ADAMTSL3: variants seen among roughly 807,000 people sequenced by gnomAD.
The protein encoded by ADAMTSL3 is ADAMTS-like protein 3.
ADAMTSL3 carries 128 observed loss-of-function variants against 201.7 expected under a neutral mutation model. The ratio of observed to expected loss-of-function variants is 0.63; its 90% CI spans 0.55 to 0.73. ADAMTSL3 has a LOEUF of 0.73. ADAMTSL3 is among the 30% of genes least tolerant of loss of function. ADAMTSL3 has a pLI of 0.00. For synonymous variants in ADAMTSL3, 738 were observed against 748.4 expected, an observed-to-expected ratio of 0.99 and a Z score of 0.23; for missense variants, 1,990 against 2,119.6, an observed-to-expected ratio of 0.94 and a Z score of 1.20.
intron 15 of ADAMTSL3, among the ~76,000 whole-genome samples, chr15:83,912,606 A>G (rs1315798328): frequency 6.6e-6 from 1 of 152,216 alleles, no homozygotes; most frequent in African/African-American, 2.4e-5. Flanking sequence ...TTAAGGCTTC[A>G]TCCACTCTGT....
intron 15 of ADAMTSL3, among the ~76,000 whole-genome samples, chr15:83,911,574 C>T (rs1243895996): frequency 6.6e-6 from 1 of 152,176 alleles, no homozygotes; most frequent in Non-Finnish European, 1.5e-5. Flanking sequence ...TGAGCAAGCC[C>T]TCACATGGAA....
chr15:83,662,545 A>G (rs932492271), intron 2 of ADAMTSL3, among the ~76,000 whole-genome samples: 1 of 149,780 alleles, frequency 6.7e-6, no homozygotes, highest in African/African-American at 2.4e-5. Flanking sequence ...CAATGTGCAC[A>G]TGTACCCTAA....
At chr15:83,973,200 T>G (rs936746557) in intron 20 of ADAMTSL3, among the ~76,000 whole-genome samples, 7 of 152,116 alleles carry the variant, frequency 4.6e-5, no homozygotes, top group Non-Finnish European at 1.5e-5. Flanking sequence ...CCCTTAGACT[T>G]CCTCACTACT....
At chr15:83,670,865 GT>G (rs1167105847) in intron 2 of ADAMTSL3, among the ~76,000 whole-genome samples, 18 of 152,178 alleles carry the variant, frequency 1.2e-4, no homozygotes, top group Admixed American at 1.2e-3. Context: ...ATTGCCAATG[GT>G]GTGCAGATAC....
At chr15:83,891,490 A>G (rs2065497826) in intron 12 of ADAMTSL3, 111 bp downstream of exon 12, 2 of 903,090 alleles carry the variant, frequency 2.2e-6, no homozygotes, top group East Asian at 4.9e-5. Context: ...AATACTTTAT[A>G]GAGCTAAGGG....
In ADAMTSL3 at chr15:83,870,950, C is replaced by A. The variant is rs762677202; in HGVS notation, c.951C>A (p.Phe317Leu). 3.1e-6 allele frequency: 5 copies of A among 1,612,942 alleles called. No individual in the cohort carries two copies. The highest frequency in any genetic ancestry group is 2.2e-5 in the East Asian group (1 of 44,850). Reference sequence around the variant, plus strand: ...TTCCAGGACCTCTGATGGCTGATTTCATCTTCAAGGTAGGATGATCCTCTT... The same window carrying A: ...TTCCAGGACCTCTGATGGCTGATTTAATCTTCAAGGTAGGATGATCCTCTT... ...FKIPGPLMAD[F>L]IFKTRYTAAK... The change falls in exon 9 of 30, where the codon TTC (phenylalanine) becomes TTA (leucine). Residue 317 changes from phenylalanine (F) to leucine (L), a missense_variant. Phe to Leu is a conservative substitution (Grantham distance 22). Coordinates refer to ENST00000286744, the MANE Select transcript of ADAMTSL3 (RefSeq NM_207517.3).
At chr15:83,861,778 T>C (rs1365168503) in intron 8 of ADAMTSL3, 1 of 152,206 alleles carries the variant, frequency 6.6e-6, no homozygotes, top group Non-Finnish European at 1.5e-5. Context: ...GGAGAATGAC[T>C]TTGACGAGTT....
chr15:83,914,897 TTA>T (rs1412388709), intron 16 of ADAMTSL3, among the ~76,000 whole-genome samples: 2 of 152,190 alleles, frequency 1.3e-5, no homozygotes, highest in Non-Finnish European at 2.9e-5. Flanking sequence ...GTGGGTTTTT[TTA>T]TGTCTTGGAA....
chr15:83,769,055 A>C (rs545639134), intron 3 of ADAMTSL3, among the ~76,000 whole-genome samples: 1 of 152,044 alleles, frequency 6.6e-6, no homozygotes, highest in East Asian at 1.9e-4. Context: ...AAATGCTTGC[A>C]CTTATAACAT....
chr15:83,948,476 C>T (rs913791313), intron 19 of ADAMTSL3, among the ~76,000 whole-genome samples: 1 of 151,416 alleles, frequency 6.6e-6, no homozygotes, highest in Non-Finnish European at 1.5e-5. Flanking sequence ...TTCAGCTTAT[C>T]GATGGTGCTT....
intron 2 of ADAMTSL3, among the ~76,000 whole-genome samples, chr15:83,702,357 T>G (rs1038860017): frequency 5.9e-5 from 9 of 152,204 alleles, no homozygotes; most frequent in African/African-American, 2.2e-4. Flanking sequence ...CTGCAGAAAT[T>G]TCCATAAGTA....
At chr15:83,924,088 C>T in intron 17 of ADAMTSL3, 55 bp downstream of exon 17, 1 of 1,595,120 alleles carries the variant, frequency 6.3e-7, no homozygotes, top group Non-Finnish European at 8.6e-7. Context: ...TAACACCCTC[C>T]CTGCAGAGAA....
chr15:84,025,944 G>A (rs2068297336), intron 27 of ADAMTSL3, among the ~76,000 whole-genome samples: 2 of 152,186 alleles, frequency 1.3e-5, no homozygotes, highest in Non-Finnish European at 2.9e-5. Context: ...CTACGAAGAT[G>A]TCGATTTCCT....
chr15:83,987,748 G>A (rs1207906814), intron 21 of ADAMTSL3, among the ~76,000 whole-genome samples: 3 of 152,104 alleles, frequency 2.0e-5, no homozygotes, highest in South Asian at 2.1e-4. Context: ...AGCATAGAGC[G>A]AACGACATGA....
intron 3 of ADAMTSL3, among the ~76,000 whole-genome samples, chr15:83,731,346 C>G (rs144456226): frequency 6.6e-6 from 1 of 152,092 alleles, no homozygotes; most frequent in East Asian, 1.9e-4. Flanking sequence ...CAAATAAAAA[C>G]CACAATGACA....
chr15:83,743,519 C>CA (rs759218799), intron 3 of ADAMTSL3, among the ~76,000 whole-genome samples: 8,779 of 55,274 alleles, frequency 0.16, 582 homozygotes, highest in East Asian at 0.23. Flanking sequence ...GACTCCGTCT[C>CA]AAAAAAAAAA....
At chr15:83,891,992 A>C (rs1370763838) in intron 12 of ADAMTSL3, among the ~76,000 whole-genome samples, 2 of 152,088 alleles carry the variant, frequency 1.3e-5, no homozygotes, top group African/African-American at 4.8e-5. Flanking sequence ...AGGCAGGCGG[A>C]TCACTTGAGG....
At position 83,683,566 on chromosome 15, in the gene ADAMTSL3, C is replaced by G. The variant is rs72761832; in HGVS notation, c.70-20823C>G. Among the ~76,000 whole-genome samples the G allele has an allele frequency of 4.1e-3, 623 of 152,272 alleles. 3 individuals are homozygous for G. The highest frequency in any genetic ancestry group is 6.3e-3 in the Non-Finnish European group (429 of 68,024). On this transcript the variant is annotated intron_variant, in intron 2 of 29. Coordinates refer to ENST00000286744, the MANE Select transcript of ADAMTSL3 (RefSeq NM_207517.3). ...TTTGGGCCCCTCACACAATCTAGAG[C>G]AGATCCTGGGACATAATGAAGACTC...
At chr15:83,942,836 G>C (rs751462349) in intron 18 of ADAMTSL3, 48 bp downstream of exon 18, 10 of 1,606,436 alleles carry the variant, frequency 6.2e-6, no homozygotes, top group African/African-American at 1.3e-5. Flanking sequence ...ATGACTGTGA[G>C]AGGCCCTGCA....
Sources: gnomAD v4.1 joint callset for allele counts (sites outside exome capture counted in the v4.1 genomes callset) on GRCh38, gnomAD v4.1.1 for gene constraint, MANE v1.5 for transcripts, NCBI Gene and HGNC (gene_info 2026-07-23, HGNC 2026-07-21) for gene names.